IL1R2: variants seen among roughly 807,000 people sequenced by gnomAD.
IL1R2 encodes interleukin 1 receptor type 2.
Under a neutral mutation model 39.5 loss-of-function variants are expected in IL1R2, and 46 were observed. The ratio of observed to expected loss-of-function variants is 1.16; its 90% CI spans 0.92 to 1.49. The LOEUF (loss-of-function observed/expected upper bound fraction) is 1.49. IL1R2 is among the 40% of genes most tolerant of loss of function. The probability of loss-of-function intolerance (pLI) is 0.00; values close to 1 mark genes in which losing one functional copy is unlikely to be tolerated. For synonymous variants in IL1R2, 207 were observed against 189.6 expected (o/e 1.09, Z -0.75); for missense variants, 537 against 502.0 (o/e 1.07, Z -0.67).
intron 5 of IL1R2, among the ~76,000 whole-genome samples, chr2:102,021,272 T>A (rs3218953): frequency 0.23 from 34,422 of 150,266 alleles, 4,619 homozygotes; most frequent in African/African-American, 0.37. Context: ...TTTGCTCATT[T>A]CAGGGGCCTC....
At chr2:101,997,877 T>C (rs948781223) in intron 1 of IL1R2, among the ~76,000 whole-genome samples, 1 of 152,222 alleles carries the variant, frequency 6.6e-6, no homozygotes, top group African/African-American at 2.4e-5. Context: ...CAGGACTGCC[T>C]GCCTGATTCC....
intron 1 of IL1R2, among the ~76,000 whole-genome samples, chr2:101,997,190 C>A (rs28595151): frequency 6.6e-6 from 1 of 152,110 alleles, no homozygotes; most frequent in Admixed American, 6.5e-5. Context: ...CTACTGCTGG[C>A]GTCTGTGACT....
chr2:102,023,705 A>T (rs991441639), intron 6 of IL1R2: 30 of 152,054 alleles, frequency 2.0e-4, no homozygotes, highest in African/African-American at 6.3e-4. Context: ...AGGCAGGGGG[A>T]CCCAGTACAT....
At chr2:102,012,692 C>A (rs1676718400) in intron 3 of IL1R2, among the ~76,000 whole-genome samples, 1 of 152,208 alleles carries the variant, frequency 6.6e-6, no homozygotes, top group Non-Finnish European at 1.5e-5. Context: ...GCCTAAGAAG[C>A]AGGCAAACCA....
At chr2:102,002,117 T>G (rs1330102019) in intron 1 of IL1R2, 1 of 152,262 alleles carries the variant, frequency 6.6e-6, no homozygotes, top group East Asian at 1.9e-4. Flanking sequence ...TTGTTACTCC[T>G]TCTACATGCT....
chr2:101,993,301 G>GT (rs1005700844), intron 1 of IL1R2, among the ~76,000 whole-genome samples: 4 of 152,142 alleles, frequency 2.6e-5, no homozygotes, highest in African/African-American at 9.7e-5. Flanking sequence ...GATGAGCTGC[G>GT]TGACAGCTCA....
At chr2:102,021,054 G>T (rs1375460765) in intron 5 of IL1R2, among the ~76,000 whole-genome samples, 1 of 152,170 alleles carries the variant, frequency 6.6e-6, no homozygotes, top group Non-Finnish European at 1.5e-5. Flanking sequence ...CTCCCTGGAT[G>T]CCCCAGCTCC....
At position 102,027,545 on chromosome 2, in the gene IL1R2, G is replaced by T. The variant is rs1481752058; in HGVS notation, c.1031-681G>T. On this transcript the variant is annotated intron_variant, in intron 8 of 8. Coordinates refer to ENST00000332549, the MANE Select transcript of IL1R2 (RefSeq NM_004633.4). Reference sequence around the variant, plus strand: ...TGAACTTATTTCTAATCTTTGTGGGGTTTTAAAATGTGAGAATCCTCTGGA... The same window carrying T: ...TGAACTTATTTCTAATCTTTGTGGGTTTTTAAAATGTGAGAATCCTCTGGA... Among the ~76,000 whole-genome samples the T allele has an allele frequency of 2.0e-5, 3 of 152,160 alleles. No homozygotes were observed. The East Asian group carries it at 5.8e-4, about 29-fold the overall frequency.
intron 1 of IL1R2, 102 bp from the exon 2 acceptor site, chr2:102,008,413 C>G (rs923804711): frequency 6.2e-6 from 4 of 640,392 alleles, no homozygotes; most frequent in African/African-American, 1.8e-5. Context: ...AAAAGGTTCC[C>G]ATTATCCAGT....
rs780163319 is a variant in IL1R2, at chr2:102,009,730, C to T, written c.236C>T (p.Pro79Leu). The change falls in exon 3 of 9, where the codon CCA becomes CTA. Residue 79 changes from proline to leucine, a missense_variant. Coordinates refer to ENST00000332549, the MANE Select transcript of IL1R2 (RefSeq NM_004633.4). ...AAAAATGACTCTGCTAGGACGGTCCCAGGAGAAGAAGAGACACGGATGTGG... is the reference window on the plus strand; with the variant it reads ...AAAAATGACTCTGCTAGGACGGTCCTAGGAGAAGAAGAGACACGGATGTGG... ...WHKNDSARTVPGEEETRMWAQ... is the reference protein window; with the variant it reads ...WHKNDSARTVLGEEETRMWAQ... 6.2e-7 allele frequency: 1 copy of T among 1,614,182 alleles called. No individual in the cohort carries two copies. The highest frequency in any genetic ancestry group is 2.2e-5 in the East Asian group (1 of 44,882).
At chr2:102,002,439 CT>C (rs1251254844) in intron 1 of IL1R2, among the ~76,000 whole-genome samples, 9 of 110,342 alleles carry the variant, frequency 8.2e-5, no homozygotes, top group African/African-American at 3.3e-4. Flanking sequence ...ACTTTGTCCC[CT>C]ATCTGTGTCT....
chr2:102,027,997 G>A (rs970533226), intron 8 of IL1R2, among the ~76,000 whole-genome samples: 6 of 152,218 alleles, frequency 3.9e-5, no homozygotes, highest in East Asian at 1.9e-4. Context: ...CTTACCCTAC[G>A]ATGTTTCTAA....
chr2:102,006,843 G>A (rs1475871913), intron 1 of IL1R2, among the ~76,000 whole-genome samples: 3 of 152,204 alleles, frequency 2.0e-5, no homozygotes, highest in Admixed American at 6.5e-5. Context: ...TGTGTCGGAT[G>A]GAATGTGAGC....
intron 8 of IL1R2, among the ~76,000 whole-genome samples, chr2:102,026,921 G>A (rs1165967236): frequency 1.3e-5 from 2 of 152,184 alleles, no homozygotes; most frequent in Non-Finnish European, 2.9e-5. Context: ...GTGATGGCTC[G>A]TGGACAATCT....
chr2:102,019,314 G>T (rs1355145033), intron 4 of IL1R2, among the ~76,000 whole-genome samples: 1 of 152,212 alleles, frequency 6.6e-6, no homozygotes, highest in Non-Finnish European at 1.5e-5. Flanking sequence ...AGGCCTGAAG[G>T]TAGCAGTCAG....
intron 1 of IL1R2, among the ~76,000 whole-genome samples, chr2:101,995,366 T>G (rs764491804): frequency 1.3e-5 from 2 of 151,390 alleles, no homozygotes; most frequent in African/African-American, 4.9e-5. Context: ...GCAGGAAACA[T>G]GGGTGGCATG....
At chr2:102,027,946 T>C (rs1677833196) in intron 8 of IL1R2, among the ~76,000 whole-genome samples, 1 of 152,190 alleles carries the variant, frequency 6.6e-6, no homozygotes, top group African/African-American at 2.4e-5. Context: ...ACGCACAGTG[T>C]CCCACTGTTG....
intron 5 of IL1R2, among the ~76,000 whole-genome samples, chr2:102,021,560 T>A (rs1444789262): frequency 6.6e-6 from 1 of 152,194 alleles, no homozygotes; most frequent in African/African-American, 2.4e-5. Flanking sequence ...TTGATCCACC[T>A]GCCTCGGCCT....
At position 102,015,716 on chromosome 2, in the gene IL1R2, C is replaced by T. The variant is rs10186664; in HGVS notation, c.333-155C>T. Among the ~76,000 whole-genome samples, 933 of 152,250 alleles carry T rather than the reference C, an allele frequency of 6.1e-3. 10 individuals are homozygous for T. Among genetic ancestry groups the T allele is most frequent in the African/African-American group, 0.021 (889 of 41,544 alleles). ...TTGCAGCATTGTAAAGTCAAAAAAT[C>T]CTAAGTTGAACCATCTTATGTCGGG... On this transcript the variant is annotated intron_variant, in intron 3 of 8. Coordinates refer to ENST00000332549, the MANE Select transcript of IL1R2 (RefSeq NM_004633.4).
Sources: allele counts gnomAD v4.1 joint callset (sites outside exome capture counted in the v4.1 genomes callset), GRCh38; gene constraint gnomAD v4.1.1; transcripts MANE v1.5; gene names NCBI Gene and HGNC (gene_info 2026-07-23, HGNC 2026-07-21).